CEP152: variants seen among roughly 807,000 people sequenced by gnomAD.
CEP152 encodes the protein centrosomal protein of 152 kDa.
CEP152 carries 132 observed loss-of-function variants against 188.9 expected under a neutral mutation model. That is an observed-to-expected ratio of 0.70 (90% CI 0.61 to 0.81). The LOEUF (loss-of-function observed/expected upper bound fraction) is 0.81. Among genes scored for constraint, CEP152 ranks in the 30% least tolerant of loss-of-function variants. CEP152 has a pLI of 0.00. For synonymous variants in CEP152, 649 were observed against 666.6 expected (o/e 0.97, Z 0.41); for missense variants, 1,914 against 1,969.8 (o/e 0.97, Z 0.54).
chr15:48,748,655 A>G, intron 21 of CEP152, 45 bp from the exon 22 acceptor site: 1 of 1,266,600 alleles, frequency 7.9e-7, no homozygotes, highest in Non-Finnish European at 9.9e-7. Context: ...AGTTTAGACC[A>G]AGAACTATCA....
At chr15:48,796,323 C>CATAT (rs201681953) in intron 5 of CEP152, among the ~76,000 whole-genome samples, 163 bp from the exon 6 acceptor site, 11 of 135,478 alleles carry the variant, frequency 8.1e-5, no homozygotes, top group African/African-American at 2.9e-4. Context: ...CACACACACA[C>CATAT]ATATATATAT....
At chr15:48,765,636 ATTTTTTTTTTT>A (rs34837739) in intron 17 of CEP152, 44 of 189,440 alleles carry the variant, frequency 2.3e-4, no homozygotes, top group Admixed American at 1.6e-3. Flanking sequence ...GTTCTTGCCA[ATTTTTTTTTTT>A]TTTTTTTTTT....
At chr15:48,775,291 A>G (rs1028629082) in intron 12 of CEP152, among the ~76,000 whole-genome samples, 1 of 152,008 alleles carries the variant, frequency 6.6e-6, no homozygotes, top group Admixed American at 6.6e-5. Context: ...AAATTTATAT[A>G]TTCAAGAAGC....
At position 48,756,192 on chromosome 15, in the gene CEP152, C is replaced by A. The variant is rs773808366; in HGVS notation, c.3056G>T (p.Cys1019Phe). The A allele has an allele frequency of 7.4e-6, 12 of 1,613,866 alleles. No homozygotes were observed. In the African/African-American group the frequency reaches 1.3e-4, roughly 18 times the overall value. ...CCATTCTCTACGACTCTGGTCTAGA[C>A]AAGTTTGTAATTCTGTCTCCTTCTG... ...LLQKETELQT[C>F]LDQSRREWTM... Residue 1019 changes from cysteine to phenylalanine, a missense_variant, in exon 20 of 27, where the codon TGT becomes TTT. Physicochemically the swap from Cys to Phe is radical, Grantham distance 205 (BLOSUM62 -2). Coordinates refer to ENST00000380950, the MANE Select transcript of CEP152 (RefSeq NM_001194998.2).
At position 48,738,481 on chromosome 15, in the gene CEP152, C is replaced by T. The variant is rs561222742; in HGVS notation, c.4901G>A (p.Arg1634His). The T allele has an allele frequency of 2.4e-5, 38 of 1,614,220 alleles. No homozygotes were observed. In the East Asian group the frequency reaches 2.5e-4, roughly 10 times the overall value. ...NMICQTMKCQ[R>H]YQTPYLSEET... ...TTCTGACAGGTATGGAGTTTGATAA[C>T]GCTGACATTTCATTGTTTGACAAAT... Residue 1634 changes from arginine to histidine, a missense_variant, in exon 27 of 27, where the codon CGT becomes CAT. By Grantham distance (29) the Arg-to-His change is conservative. Coordinates refer to ENST00000380950, the MANE Select transcript of CEP152 (RefSeq NM_001194998.2).
chr15:48,784,180 T>A, intron 9 of CEP152, 60 bp from the exon 10 acceptor site: 1 of 1,491,840 alleles, frequency 6.7e-7, no homozygotes, highest in Non-Finnish European at 9.2e-7. Context: ...AAGAGTAAAC[T>A]AAAAATTATG....
At chr15:48,774,402 C>A (rs1437393711) in intron 12 of CEP152, among the ~76,000 whole-genome samples, 3 of 152,000 alleles carry the variant, frequency 2.0e-5, no homozygotes, top group Non-Finnish European at 2.9e-5. Context: ...ACAAAGAAAA[C>A]CAGCATACAT....
At chr15:48,744,471 T>C (rs1893260463) in intron 23 of CEP152, 128 bp from the exon 24 acceptor site, 4 of 1,481,432 alleles carry the variant, frequency 2.7e-6, no homozygotes, top group African/African-American at 2.8e-5. Context: ...TCTAGAACAA[T>C]CTCCACTATA....
chr15:48,804,015 AGG>A (rs1288766578), intron 2 of CEP152, among the ~76,000 whole-genome samples: 1 of 152,230 alleles, frequency 6.6e-6, no homozygotes, highest in African/African-American at 2.4e-5. Flanking sequence ...AACCCTCACC[AGG>A]GTCATAAACT....
intron 2 of CEP152, among the ~76,000 whole-genome samples, chr15:48,800,269 T>A (rs1417100906): frequency 6.6e-6 from 1 of 152,212 alleles, no homozygotes; most frequent in Non-Finnish European, 1.5e-5. Flanking sequence ...TATGCTAACA[T>A]TTTAAAATTG....
intron 9 of CEP152, among the ~76,000 whole-genome samples, chr15:48,784,649 ATC>A (rs1421359946): frequency 2.0e-5 from 3 of 152,100 alleles, no homozygotes; most frequent in Non-Finnish European, 4.4e-5. Context: ...TTTAAACTTG[ATC>A]TGTTTCTTTC....
At chr15:48,782,844 A>G (rs1025460978) in intron 10 of CEP152, among the ~76,000 whole-genome samples, 5 of 152,224 alleles carry the variant, frequency 3.3e-5, no homozygotes, top group Non-Finnish European at 7.3e-5. Context: ...GCATAAAGAA[A>G]ATAATATTTT....
At chr15:48,781,107 A>G in intron 12 of CEP152, 89 bp downstream of exon 12, 1 of 1,143,858 alleles carries the variant, frequency 8.7e-7, no homozygotes, top group South Asian at 1.3e-5. Flanking sequence ...TATGAAAATA[A>G]TACGCTCTCA....
intron 1 of CEP152, 38 bp from the exon 2 acceptor site, chr15:48,805,694 C>T: frequency 1.2e-6 from 2 of 1,612,542 alleles, no homozygotes; most frequent in South Asian, 1.1e-5. Flanking sequence ...CTGGACACCA[C>T]ATAAAATCTC....
downstream of CEP152, among the ~76,000 whole-genome samples, chr15:48,736,155 C>T (rs1260051113): frequency 1.3e-5 from 2 of 152,178 alleles, no homozygotes; most frequent in Non-Finnish European, 1.5e-5. Context: ...CACACTTCTG[C>T]ACCACCCCCA....
chr15:48,743,112 T>C (rs1261599481), intron 24 of CEP152, among the ~76,000 whole-genome samples: 1 of 152,228 alleles, frequency 6.6e-6, no homozygotes, highest in East Asian at 1.9e-4. Flanking sequence ...AAAATTCCAC[T>C]TCCCAATTAA....
At chr15:48,791,799 G>A (rs1285110156) in intron 7 of CEP152, among the ~76,000 whole-genome samples, 1 of 151,282 alleles carries the variant, frequency 6.6e-6, no homozygotes, top group African/African-American at 2.4e-5. Context: ...TTACAGGCGT[G>A]AGCCACCTCA....
At chr15:48,770,150 A>G (rs946409775) in intron 13 of CEP152, among the ~76,000 whole-genome samples, 1 of 152,176 alleles carries the variant, frequency 6.6e-6, no homozygotes, top group Non-Finnish European at 1.5e-5. Context: ...TTTTAAAAAT[A>G]TATCTACTCC....
intron 18 of CEP152, 89 bp from the exon 19 acceptor site, chr15:48,760,355 T>A: frequency 6.8e-7 from 1 of 1,461,290 alleles, no homozygotes; most frequent in Non-Finnish European, 9.5e-7. Flanking sequence ...ATTTCAGTAT[T>A]TTATACTGTA....
Sources: gnomAD v4.1 joint callset for allele counts (sites outside exome capture counted in the v4.1 genomes callset) on GRCh38, gnomAD v4.1.1 for gene constraint, MANE v1.5 for transcripts, NCBI Gene and HGNC (gene_info 2026-07-23, HGNC 2026-07-21) for gene names.